Variants in STARD13 observed in about 807,000 individuals in gnomAD.
The protein encoded by STARD13 is stAR-related lipid transfer protein 13.
Under a neutral mutation model 106.4 loss-of-function variants are expected in STARD13, and 62 were observed. The observed-to-expected ratio is 0.58, with a 90% CI of 0.48 to 0.72. STARD13 has a LOEUF of 0.72. Among genes scored for constraint, STARD13 ranks in the 30% least tolerant of loss-of-function variants. STARD13 has a pLI of 0.00. For synonymous variants in STARD13, 565 were observed against 553.0 expected, an observed-to-expected ratio of 1.02 and a Z score of -0.31; for missense variants, 1,387 against 1,424.0, an observed-to-expected ratio of 0.97 and a Z score of 0.42.
rs1404638006 is a variant in STARD13, at chr13:33,127,470, T to C, written c.1825A>G (p.Thr609Ala). ...APASPHISSQ[T>A]ASQLSLLQRF... ...TGGAGCAGGCTCAGCTGGCTGGCCG[T>C]CTGGCTGCTGATGTGGGGCGATGCT... Residue 609 changes from threonine to alanine, a missense_variant, in exon 6 of 14, where the codon ACG (threonine) becomes GCG (alanine). By Grantham distance (58) the Thr-to-Ala change is moderately conservative (BLOSUM62 0). Transcript: ENST00000336934. 6.3e-7 allele frequency: 1 copy of C among 1,598,504 alleles called. No homozygotes were observed. The highest frequency in any genetic ancestry group is 1.7e-5 in the Admixed American group (1 of 59,086).
the STARD13 span, among the ~76,000 whole-genome samples, chr13:33,610,075 A>G: frequency 6.6e-6 from 1 of 152,220 alleles, no homozygotes; most frequent in East Asian, 1.9e-4. Context: ...GATATTCACA[A>G]TGATAAATTC....
chr13:33,357,344 A>G, the STARD13 span, among the ~76,000 whole-genome samples: 22 of 152,244 alleles, frequency 1.4e-4, no homozygotes, highest in African/African-American at 1.9e-4. Flanking sequence ...TGGCATCTCT[A>G]AAGACAGGCA....
At position 33,135,848 on chromosome 13, in the gene STARD13, C is replaced by A. The variant is rs115105962; in HGVS notation, c.388-5559G>T. 3.1e-3 allele frequency among the ~76,000 whole-genome samples: 474 copies of A among 152,294 alleles called. 5 individuals are homozygous for A. Among genetic ancestry groups the A allele is most frequent in the African/African-American group, 0.011 (453 of 41,564 alleles). The stretch of plus-strand genomic sequence containing the variant: ...TCACATTAAAAATCTTATGGCCAGG[C>A]ATAGTGGCTCATGCCTGTAATCCCA... On this transcript the variant is annotated intron_variant, in intron 4 of 13. Transcript: ENST00000336934.
At chr13:33,233,211 G>C (rs866523717) in intron 1 of STARD13, among the ~76,000 whole-genome samples, 17 of 152,356 alleles carry the variant, frequency 1.1e-4, no homozygotes, top group Middle Eastern at 6.8e-3. Context: ...CTGAGAGCTT[G>C]TCTTCCTGTT....
chr13:33,598,427 A>G, the STARD13 span, among the ~76,000 whole-genome samples: 1 of 152,186 alleles, frequency 6.6e-6, no homozygotes, highest in African/African-American at 2.4e-5. Flanking sequence ...TTGGGTACTA[A>G]ATGACTCTTT....
intron 1 of STARD13, among the ~76,000 whole-genome samples, chr13:33,301,672 A>G (rs1244638955): frequency 6.9e-6 from 1 of 145,746 alleles, no homozygotes; most frequent in East Asian, 2.1e-4. Context: ...GGTTCATGCC[A>G]TTCTCCTGCC....
chr13:33,612,994 C>A, the STARD13 span, among the ~76,000 whole-genome samples: 5 of 152,154 alleles, frequency 3.3e-5, no homozygotes, highest in African/African-American at 4.8e-5. Context: ...CTTCAAAGTT[C>A]AAATTGTGGT....
At chr13:33,376,026 G>A in the STARD13 span, among the ~76,000 whole-genome samples, 18 of 151,994 alleles carry the variant, frequency 1.2e-4, no homozygotes, top group East Asian at 3.1e-3. Flanking sequence ...CCATACTTAA[G>A]TAATAGAAAA....
chr13:33,603,342 TGGC>T, the STARD13 span, among the ~76,000 whole-genome samples: 2 of 152,318 alleles, frequency 1.3e-5, no homozygotes, highest in African/African-American at 4.8e-5. Context: ...TCTCAGGCAT[TGGC>T]TATCTGTGTG....
At chr13:33,342,141 A>G (rs1352671692) in intron 1 of STARD13, among the ~76,000 whole-genome samples, 3 of 152,340 alleles carry the variant, frequency 2.0e-5, no homozygotes, top group Non-Finnish European at 1.5e-5. Context: ...ATATGCTCTG[A>G]AAAATTTTAC....
At chr13:33,237,844 T>A (rs1889270250) in intron 1 of STARD13, among the ~76,000 whole-genome samples, 1 of 152,168 alleles carries the variant, frequency 6.6e-6, no homozygotes, top group African/African-American at 2.4e-5. Context: ...AATGAAACAT[T>A]TTACCTGGTG....
chr13:33,676,167 A>G, the STARD13 span, among the ~76,000 whole-genome samples: 10 of 152,188 alleles, frequency 6.6e-5, no homozygotes, highest in Admixed American at 5.9e-4. Flanking sequence ...TTCACATCTT[A>G]CAGAGCAGTG....
the STARD13 span, among the ~76,000 whole-genome samples, chr13:33,425,478 C>G: frequency 2.0e-5 from 3 of 152,128 alleles, no homozygotes; most frequent in East Asian, 5.8e-4. Context: ...GATGCTACAC[C>G]TTCTAGAATG....
chr13:33,309,891 T>A (rs1386686852), intron 1 of STARD13, among the ~76,000 whole-genome samples: 1 of 152,226 alleles, frequency 6.6e-6, no homozygotes, highest in Non-Finnish European at 1.5e-5. Flanking sequence ...CTGACCCACC[T>A]GTTCCTGTGT....
the STARD13 span, among the ~76,000 whole-genome samples, chr13:33,393,956 C>G: frequency 6.6e-6 from 1 of 152,210 alleles, no homozygotes; most frequent in Non-Finnish European, 1.5e-5. Flanking sequence ...AGTTCAATCA[C>G]AAGCTCACTA....
At chr13:33,251,095 A>T (rs1313373808) in intron 1 of STARD13, among the ~76,000 whole-genome samples, 1 of 152,200 alleles carries the variant, frequency 6.6e-6, no homozygotes, top group Non-Finnish European at 1.5e-5. Flanking sequence ...AGAATCTAAG[A>T]TGCCTGAGTT....
the STARD13 span, among the ~76,000 whole-genome samples, chr13:33,661,077 A>G: frequency 4.3e-4 from 66 of 152,360 alleles, 3 homozygotes; most frequent in East Asian, 0.012. Context: ...TTCACATTTA[A>G]TAGGGTGGCT....
At chr13:33,264,015 G>T (rs1462555880) in intron 1 of STARD13, among the ~76,000 whole-genome samples, 2 of 152,188 alleles carry the variant, frequency 1.3e-5, no homozygotes, top group Non-Finnish European at 2.9e-5. Flanking sequence ...TCACTCTTGG[G>T]ATGCAGTCTC....
At chr13:33,506,730 G>C in the STARD13 span, among the ~76,000 whole-genome samples, 35 of 152,256 alleles carry the variant, frequency 2.3e-4, no homozygotes, top group African/African-American at 8.4e-4. Context: ...ATTGGTATGG[G>C]TTCAGATTCT....
Sources: gnomAD v4.1 joint callset for allele counts (sites outside exome capture counted in the v4.1 genomes callset) on GRCh38, gnomAD v4.1.1 for gene constraint, MANE v1.5 for transcripts, NCBI Gene and HGNC (gene_info 2026-07-23, HGNC 2026-07-21) for gene names.